PCLO: variants seen among roughly 807,000 people sequenced by gnomAD.
The protein encoded by PCLO is piccolo presynaptic cytomatrix protein.
Under a neutral mutation model 427.5 loss-of-function variants are expected in PCLO, and 82 were observed. That is an observed-to-expected ratio of 0.19 (90% CI 0.16 to 0.23). PCLO has a LOEUF of 0.23. Among genes scored for constraint, PCLO ranks in the 10% least tolerant of loss-of-function variants. PCLO has a pLI of 1.00. For synonymous variants in PCLO, 2,357 were observed against 2,155.4 expected (o/e 1.09, Z -2.59); for missense variants, 6,239 against 6,115.9 (o/e 1.02, Z -0.67).
intron 3 of PCLO, among the ~76,000 whole-genome samples, chr7:83,061,469 T>C (rs1373523447): frequency 3.9e-5 from 6 of 152,270 alleles, no homozygotes; most frequent in South Asian, 4.1e-4. Flanking sequence ...CCACATAACA[T>C]AATAAAATCA....
In PCLO at chr7:82,953,538, C is replaced by T. The variant is rs1795417671; in HGVS notation, c.7415G>A (p.Gly2472Glu). ...LETTAVLRSN[G>E]LPVTRICTTA... is the part of the protein sequence containing the mutation. ...AGTACATATTCTTGTAACAGGTAAT[C>T]CATTACTTCTCAGAACAGCTGTGGT... The change falls in exon 5 of 25, where the codon GGA becomes GAA. Residue 2472 changes from glycine (G) to glutamate (E), a missense_variant. Gly to Glu is a moderately conservative substitution (Grantham distance 98). Coordinates refer to ENST00000333891, the MANE Select transcript of PCLO (RefSeq NM_033026.6). The T allele has an allele frequency of 6.2e-7, 1 of 1,613,088 alleles. No homozygotes were observed. The highest frequency in any genetic ancestry group is 1.3e-5 in the African/African-American group (1 of 74,706).
chr7:82,965,692 T>C (rs142385783), intron 4 of PCLO, 79 bp downstream of exon 4: 60 of 884,454 alleles, frequency 6.8e-5, no homozygotes, highest in Non-Finnish European at 1.0e-4. Flanking sequence ...ATAATTACCA[T>C]TGAGCAACTT....
intron 6 of PCLO, among the ~76,000 whole-genome samples, chr7:82,918,790 G>T (rs1794528918): frequency 6.6e-6 from 1 of 151,976 alleles, no homozygotes; most frequent in Non-Finnish European, 1.5e-5. Context: ...GTGTTTAATT[G>T]TGTTACTCAC....
chr7:83,146,060 G>A (rs964338725), intron 2 of PCLO, among the ~76,000 whole-genome samples: 3 of 152,058 alleles, frequency 2.0e-5, no homozygotes, highest in Admixed American at 6.6e-5. Context: ...ATAAAATGAC[G>A]AAATGCATAT....
rs1792470727 is a variant in PCLO at position 82,845,323 on chromosome 7, G to A, written c.13994C>T (p.Pro4665Leu). The A allele has an allele frequency of 6.2e-7, 1 of 1,613,436 alleles. No homozygotes were observed. Among genetic ancestry groups the A allele is most frequent in the South Asian group, 1.1e-5 (1 of 91,084 alleles). The change falls in exon 13 of 25, where the codon CCT (proline) becomes CTT (leucine). Residue 4665 changes from proline to leucine, a missense_variant. Pro to Leu is a moderately conservative substitution (Grantham distance 98). Transcript: ENST00000333891. ...TSAGSSSVPS[P>L]GQPGSPSVSK... ...CACTGAGGGGGACCCTGGTTGCCCAGGGCTGGGAACGGAACTGGATCCTGC... is the reference window on the plus strand; with the variant it reads ...CACTGAGGGGGACCCTGGTTGCCCAAGGCTGGGAACGGAACTGGATCCTGC...
At chr7:82,786,503 C>T (rs1015143324) in intron 22 of PCLO, among the ~76,000 whole-genome samples, 7 of 152,116 alleles carry the variant, frequency 4.6e-5, no homozygotes, top group African/African-American at 1.7e-4. Flanking sequence ...TCCATATTAT[C>T]ATGTTTGCCA....
intron 2 of PCLO, among the ~76,000 whole-genome samples, chr7:83,144,525 T>C (rs1363106812): frequency 6.6e-6 from 1 of 152,178 alleles, no homozygotes; most frequent in Non-Finnish European, 1.5e-5. Context: ...TGTGAATAGA[T>C]GCTCCTTACA....
chr7:82,799,454 T>C (rs1264711638), intron 22 of PCLO, among the ~76,000 whole-genome samples: 1 of 152,132 alleles, frequency 6.6e-6, no homozygotes, highest in Non-Finnish European at 1.5e-5. Flanking sequence ...TTTAAGAGCA[T>C]AGTAGGAAAA....
intron 9 of PCLO, among the ~76,000 whole-genome samples, chr7:82,887,101 C>G (rs1478134383): frequency 6.6e-6 from 1 of 152,102 alleles, no homozygotes; most frequent in Admixed American, 6.6e-5. Flanking sequence ...TATCCCGTAG[C>G]TTTTTTTGCG....
chr7:82,913,553 G>GA (rs201556467), intron 7 of PCLO, among the ~76,000 whole-genome samples: 3 of 149,998 alleles, frequency 2.0e-5, no homozygotes, highest in South Asian at 2.1e-4. Context: ...CAAAGGAGGT[G>GA]AAAAAAAAAG....
At chr7:83,017,352 G>T (rs1461061315) in intron 3 of PCLO, among the ~76,000 whole-genome samples, 3 of 151,880 alleles carry the variant, frequency 2.0e-5, no homozygotes, top group Non-Finnish European at 4.4e-5. Flanking sequence ...CTTTACCAGG[G>T]TGTAATTGAA....
At position 83,123,737 on chromosome 7, in the gene PCLO, T is replaced by C. The variant is rs375727498; in HGVS notation, c.3300+10513A>G. ...AACTATCTATCTGACAAGGGATTAA[T>C]TTCCAGAATATACACAGAGCTGAAA... is the stretch of plus-strand genomic sequence containing the variant. On this transcript the variant is annotated intron_variant, in intron 3 of 24. Transcript: ENST00000333891. Among the ~76,000 whole-genome samples, 9 of 152,154 alleles carry C rather than the reference T, an allele frequency of 5.9e-5. No individual in the cohort carries two copies. The South Asian group carries it at 8.3e-4, about 14-fold the overall frequency.
In PCLO at chr7:83,134,537, C is replaced by A. The variant is rs200529522; in HGVS notation, c.3013G>T (p.Ala1005Ser). 6.2e-7 allele frequency: 1 copy of A among 1,613,856 alleles called. No homozygotes were observed. Among genetic ancestry groups the A allele is most frequent in the Non-Finnish European group, 8.5e-7 (1 of 1,179,852 alleles). ...PVKKETKAPA[A>S]EKLEPKAEQA... ...TCAGCTTTGGGCTCTAATTTTTCAG[C>A]TGCTGGGGCTTTTGTTTCCTTTTTC... Residue 1005 changes from alanine to serine, a missense_variant, in exon 3 of 25, where the codon GCT (alanine) becomes TCT (serine). Physicochemically the swap from Ala to Ser is moderately conservative, Grantham distance 99. Transcript: ENST00000333891.
rs187022398 is a variant in PCLO, at chr7:83,132,872, C to G, written c.3300+1378G>C. Among the ~76,000 whole-genome samples the G allele has an allele frequency of 1.2e-3, 178 of 151,910 alleles. 2 individuals are homozygous for G. Among genetic ancestry groups the G allele is most frequent in the African/African-American group, 3.9e-3 (163 of 41,500 alleles). ...AAATTTTCTCTCATGAATTGACAAC[C>G]AAAAACTGCTCTTCTAAAAGTGTTT... On this transcript the variant is annotated intron_variant, in intron 3 of 24. Coordinates refer to ENST00000333891, the MANE Select transcript of PCLO (RefSeq NM_033026.6).
intron 3 of PCLO, among the ~76,000 whole-genome samples, chr7:83,058,080 C>G (rs916872875): frequency 1.6e-4 from 24 of 152,136 alleles, no homozygotes; most frequent in African/African-American, 5.8e-4. Context: ...CTTTTAAAAG[C>G]TTTCACATGT....
chr7:82,843,200 A>G (rs890367029), intron 13 of PCLO, among the ~76,000 whole-genome samples: 3 of 152,172 alleles, frequency 2.0e-5, no homozygotes, highest in South Asian at 2.1e-4. Context: ...TTACATATAC[A>G]CAACAGAATA....
chr7:83,158,080 T>G (rs530938139), intron 1 of PCLO, among the ~76,000 whole-genome samples: 1 of 151,942 alleles, frequency 6.6e-6, no homozygotes, highest in African/African-American at 2.4e-5. Context: ...GAAAAGAAAA[T>G]AATCTATAAA....
intron 3 of PCLO, among the ~76,000 whole-genome samples, chr7:83,125,349 G>C (rs949007065): frequency 1.3e-5 from 2 of 152,186 alleles, no homozygotes; most frequent in African/African-American, 4.8e-5. Flanking sequence ...TCTGGGAAGT[G>C]GGGGGCTGCT....
chr7:83,051,312 G>C (rs533245677), intron 3 of PCLO, among the ~76,000 whole-genome samples: 3 of 152,164 alleles, frequency 2.0e-5, no homozygotes, highest in East Asian at 3.9e-4. Context: ...AGATCCCAAA[G>C]AGTCAACGAA....
Sources: allele counts gnomAD v4.1 joint callset (sites outside exome capture counted in the v4.1 genomes callset), GRCh38; gene constraint gnomAD v4.1.1; transcripts MANE v1.5; gene names NCBI Gene and HGNC (gene_info 2026-07-23, HGNC 2026-07-21).